Variants in MYRIP observed in about 807,000 individuals in gnomAD.
MYRIP encodes myosin VIIA and Rab interacting protein.
Under a neutral mutation model 98.0 loss-of-function variants are expected in MYRIP, and 49 were observed. That is an observed-to-expected ratio of 0.50 (90% CI 0.40 to 0.63). MYRIP has a LOEUF of 0.63. Ranked by LOEUF, MYRIP falls within the 30% of genes least tolerant of loss-of-function variation. The probability of loss-of-function intolerance (pLI) is 0.00; values close to 1 mark genes in which losing one functional copy is unlikely to be tolerated. For synonymous variants in MYRIP, 404 were observed against 409.5 expected, an observed-to-expected ratio of 0.99 and a Z score of 0.16; for missense variants, 1,004 against 1,058.2, an observed-to-expected ratio of 0.95 and a Z score of 0.71.
chr3:39,887,080 T>G (rs1943326757), intron 1 of MYRIP, among the ~76,000 whole-genome samples: 2 of 152,084 alleles, frequency 1.3e-5, no homozygotes, highest in South Asian at 4.2e-4. Context: ...AACCTGCTCC[T>G]GAATGACTAC....
At chr3:39,983,734 G>C (rs1945951556) in intron 2 of MYRIP, among the ~76,000 whole-genome samples, 1 of 152,118 alleles carries the variant, frequency 6.6e-6, no homozygotes, top group African/African-American at 2.4e-5. Flanking sequence ...GGGCCAGGAA[G>C]GGAATAAATA....
At chr3:39,914,761 A>G (rs1166413129) in intron 2 of MYRIP, among the ~76,000 whole-genome samples, 1 of 152,170 alleles carries the variant, frequency 6.6e-6, no homozygotes, top group Non-Finnish European at 1.5e-5. Context: ...GTAAACCTAC[A>G]TATATGACTT....
At chr3:39,827,545 T>G (rs745441392) in intron 1 of MYRIP, among the ~76,000 whole-genome samples, 12 of 152,232 alleles carry the variant, frequency 7.9e-5, no homozygotes, top group Non-Finnish European at 1.8e-4. Flanking sequence ...CTTGATTGTT[T>G]TGTATATCTT....
chr3:40,060,613 G>A (rs1311727894), intron 3 of MYRIP, among the ~76,000 whole-genome samples: 3 of 151,598 alleles, frequency 2.0e-5, no homozygotes, highest in South Asian at 2.1e-4. Context: ...GAGAGAGAGA[G>A]AGAGATTCGC....
chr3:40,005,954 C>T lies in MYRIP; in HGVS notation c.111-38096C>T, dbSNP rs369265779. On this transcript the variant is annotated intron_variant, in intron 2 of 16. Coordinates refer to ENST00000302541, the MANE Select transcript of MYRIP (RefSeq NM_015460.4). ...GGGGGATTTAATTTGACCTGATAGA[C>T]AAGGGAAGGCCTTTCATGGAGAAAT... 3.9e-5 allele frequency among the ~76,000 whole-genome samples: 6 copies of T among 152,118 alleles called. No individual in the cohort carries two copies. In the East Asian group the frequency reaches 1.2e-3, roughly 29 times the overall value.
chr3:39,894,050 A>T (rs1943547814), intron 1 of MYRIP, among the ~76,000 whole-genome samples: 1 of 152,202 alleles, frequency 6.6e-6, no homozygotes, highest in Admixed American at 6.5e-5. Context: ...ATTGCATCAT[A>T]CGAAATTTTA....
intron 2 of MYRIP, among the ~76,000 whole-genome samples, chr3:39,978,708 C>A (rs1945813228): frequency 6.6e-6 from 1 of 152,160 alleles, no homozygotes; most frequent in Non-Finnish European, 1.5e-5. Context: ...GGTCACATAA[C>A]TAAATTTGAG....
chr3:40,255,004 G>A (rs982251007), intron 16 of MYRIP, among the ~76,000 whole-genome samples: 4 of 152,102 alleles, frequency 2.6e-5, no homozygotes, highest in Non-Finnish European at 4.4e-5. Flanking sequence ...ATGGCATAAT[G>A]GTGGATACAT....
chr3:40,108,939 G>A (rs1040519334), intron 3 of MYRIP, among the ~76,000 whole-genome samples: 1 of 152,100 alleles, frequency 6.6e-6, no homozygotes, highest in Admixed American at 6.5e-5. Context: ...CACATTCAGG[G>A]CCACTGTTCC....
chr3:39,864,369 A>C (rs1942560980), intron 1 of MYRIP, among the ~76,000 whole-genome samples: 1 of 152,172 alleles, frequency 6.6e-6, no homozygotes, highest in Non-Finnish European at 1.5e-5. Context: ...CCCTGTTTGC[A>C]GACAATATGA....
At position 40,258,245 on chromosome 3, in the gene MYRIP, C is replaced by G; in HGVS notation, c.*79C>G. On this transcript the variant is annotated 3_prime_UTR_variant, in exon 17 of 17. Transcript: ENST00000302541. ...GCCTTGACCCAACAGCCATCGAGTA[C>G]TGTATGTATTTCCACCTGAGGAGAA... 6.5e-7 allele frequency: 1 copy of G among 1,546,596 alleles called. No individual in the cohort carries two copies. The highest frequency in any genetic ancestry group is 8.9e-7 in the Non-Finnish European group (1 of 1,119,196).
At chr3:40,153,255 TG>T (rs1176151910) in intron 4 of MYRIP, among the ~76,000 whole-genome samples, 1 of 152,216 alleles carries the variant, frequency 6.6e-6, no homozygotes, top group African/African-American at 2.4e-5. Context: ...AGACAATTTA[TG>T]AGATGGTACT....
intron 2 of MYRIP, among the ~76,000 whole-genome samples, chr3:40,028,716 C>T (rs190856613): frequency 5.0e-4 from 76 of 152,236 alleles, no homozygotes; most frequent in African/African-American, 1.8e-3. Flanking sequence ...CTGGTCTTTC[C>T]CAAGATATTT....
intron 1 of MYRIP, among the ~76,000 whole-genome samples, chr3:39,814,193 TCTCCTAGGTTTGGCAGGTTGCC>T (rs1275425291): frequency 6.6e-6 from 1 of 152,200 alleles, no homozygotes. Flanking sequence ...TTATTTTAGC[TCTCCTAGGTTTGGCAGGTTGCC>T]CTCCTACTGC....
intron 2 of MYRIP, among the ~76,000 whole-genome samples, chr3:39,922,710 G>C (rs998087628): frequency 6.6e-6 from 1 of 152,198 alleles, no homozygotes; most frequent in Non-Finnish European, 1.5e-5. Context: ...TAAATCCAGA[G>C]TGTTGTCAGA....
intron 2 of MYRIP, among the ~76,000 whole-genome samples, chr3:39,945,335 A>G (rs919844423): frequency 2.3e-5 from 3 of 130,192 alleles, no homozygotes; most frequent in African/African-American, 9.2e-5. Flanking sequence ...AAAAAAAAAA[A>G]GCTGTGCATG....
intron 2 of MYRIP, among the ~76,000 whole-genome samples, chr3:40,002,062 G>C: frequency 6.6e-6 from 1 of 152,148 alleles, no homozygotes; most frequent in East Asian, 1.9e-4. Flanking sequence ...TGGCATGTCA[G>C]TTCCTCCTCA....
chr3:40,238,784 T>C (rs1952901964), intron 12 of MYRIP: 2 of 152,198 alleles, frequency 1.3e-5, no homozygotes. Context: ...ATAAAAATAC[T>C]TCTGAAGGTT....
chr3:39,900,283 T>C lies in MYRIP; in HGVS notation c.-30-504T>C, dbSNP rs545889541. On this transcript the variant is annotated intron_variant, in intron 1 of 16. Transcript: ENST00000302541. The stretch of plus-strand genomic sequence containing the variant: ...AGAGAACTTATTGATTTTTAGTTTG[T>C]ATTTCATAGTCATATGGTTAAAACT... Among the ~76,000 whole-genome samples the C allele has an allele frequency of 3.3e-5, 5 of 152,202 alleles. No individual in the cohort carries two copies. The East Asian group carries it at 7.7e-4, about 23-fold the overall frequency.
Sources: gnomAD v4.1 joint callset for allele counts (sites outside exome capture counted in the v4.1 genomes callset) on GRCh38, gnomAD v4.1.1 for gene constraint, MANE v1.5 for transcripts, NCBI Gene and HGNC (gene_info 2026-07-23, HGNC 2026-07-21) for gene names.